ARHGAP22: variants seen among roughly 807,000 people sequenced by gnomAD.
ARHGAP22 encodes the protein rho GTPase-activating protein 22.
ARHGAP22 carries 48 observed loss-of-function variants against 59.1 expected under a neutral mutation model. That is an observed-to-expected ratio of 0.81 (90% CI 0.64 to 1.03). The LOEUF (loss-of-function observed/expected upper bound fraction) is 1.03, where lower values mean the gene tolerates loss of function less well. Ranked by LOEUF, ARHGAP22 falls within the 50% of genes least tolerant of loss-of-function variation. ARHGAP22 has a pLI of 0.00. For synonymous variants in ARHGAP22, 445 were observed against 416.4 expected (o/e 1.07, Z -0.84); for missense variants, 1,015 against 958.7 (o/e 1.06, Z -0.78).
At chr10:48,534,640 C>T (rs2055180236) in intron 3 of ARHGAP22, among the ~76,000 whole-genome samples, 1 of 152,228 alleles carries the variant, frequency 6.6e-6, no homozygotes, top group East Asian at 1.9e-4. Context: ...GAGCATTCTG[C>T]ATAAATTAAC....
intron 2 of ARHGAP22, among the ~76,000 whole-genome samples, chr10:48,577,282 C>T (rs557942167): frequency 6.6e-6 from 1 of 152,292 alleles, no homozygotes; most frequent in South Asian, 2.1e-4. Context: ...TTTTCTTCCC[C>T]CTGCACAGTA....
At chr10:48,608,114 G>A (rs1461748488), upstream of ARHGAP22, among the ~76,000 whole-genome samples, 1 of 152,216 alleles carries the variant, frequency 6.6e-6, no homozygotes, top group Non-Finnish European at 1.5e-5. Context: ...ATTCAGCCAG[G>A]GTTGAGAACC....
intron 7 of ARHGAP22, among the ~76,000 whole-genome samples, 161 bp downstream of exon 7, chr10:48,453,927 T>C (rs4838593): frequency 0.55 from 83,160 of 151,982 alleles, 24,049 homozygotes; most frequent in Middle Eastern, 0.79. Context: ...GGGTCTGTGC[T>C]TTTCCACTCC....
intron 3 of ARHGAP22, among the ~76,000 whole-genome samples, chr10:48,529,180 T>C (rs1009217681): frequency 1.3e-5 from 2 of 152,050 alleles, no homozygotes; most frequent in African/African-American, 4.8e-5. Flanking sequence ...AGATAGGGAC[T>C]GGAAGGGGGA....
At chr10:48,503,588 G>A (rs1293813591) in intron 3 of ARHGAP22, among the ~76,000 whole-genome samples, 2 of 152,204 alleles carry the variant, frequency 1.3e-5, no homozygotes, top group African/African-American at 4.8e-5. Context: ...AGCAACTCTG[G>A]GAAGTACAGG....
At chr10:48,583,418 C>A (rs2059237622) in intron 1 of ARHGAP22, among the ~76,000 whole-genome samples, 1 of 152,246 alleles carries the variant, frequency 6.6e-6, no homozygotes, top group South Asian at 2.1e-4. Flanking sequence ...CTAGGTTCTT[C>A]ATTCCTCCAC....
chr10:48,537,884 G>A (rs2055529087), intron 3 of ARHGAP22, among the ~76,000 whole-genome samples: 1 of 152,222 alleles, frequency 6.6e-6, no homozygotes, highest in Non-Finnish European at 1.5e-5. Context: ...GCCAGGAGTG[G>A]ACAGCAGGAA....
chr10:48,645,043 A>C (rs2062232998), intron 1 of ARHGAP22, among the ~76,000 whole-genome samples: 1 of 152,208 alleles, frequency 6.6e-6, no homozygotes, highest in South Asian at 2.1e-4. Context: ...ACTGACAAAG[A>C]ATAAAAAATC....
At chr10:48,587,291 G>A (rs1212281938) in intron 1 of ARHGAP22, among the ~76,000 whole-genome samples, 8 of 152,246 alleles carry the variant, frequency 5.3e-5, no homozygotes, top group Admixed American at 1.3e-4. Flanking sequence ...GGCCCTGGGA[G>A]GTGGAGCTGA....
At chr10:48,541,530 T>G (rs1479407006) in intron 3 of ARHGAP22, among the ~76,000 whole-genome samples, 1 of 152,170 alleles carries the variant, frequency 6.6e-6, no homozygotes, top group Non-Finnish European at 1.5e-5. Context: ...AGAGTCAGCC[T>G]GGAGTCTAGA....
chr10:48,437,167 A>G, the ARHGAP22 span: 2 of 152,246 alleles, frequency 1.3e-5, no homozygotes, highest in African/African-American at 4.8e-5. Flanking sequence ...AAAGAAAACA[A>G]ACTCTCATTA....
At position 48,459,849 on chromosome 10, in the gene ARHGAP22, C is replaced by G. The variant is rs138486403; in HGVS notation, c.494G>C (p.Arg165Pro). The G allele has an allele frequency of 6.2e-7, 1 of 1,613,282 alleles. No individual in the cohort carries two copies. Residue 165 changes from arginine (R) to proline (P), a missense_variant, in exon 5 of 10, where the codon CGG becomes CCG. Transcript: ENST00000249601. The part of the protein sequence containing the change: ...QRLEETVHHE[R>P]KYGPRLAPLL... ...GGGCGCCAGGCGGGGGCCATACTTCCGCTCGTGGTGGACTGTTTCCTCTAG... is the reference window on the plus strand; with the variant it reads ...GGGCGCCAGGCGGGGGCCATACTTCGGCTCGTGGTGGACTGTTTCCTCTAG...
At chr10:48,643,157 C>A (rs148722162) in intron 1 of ARHGAP22, among the ~76,000 whole-genome samples, 1 of 152,210 alleles carries the variant, frequency 6.6e-6, no homozygotes, top group African/African-American at 2.4e-5. Flanking sequence ...TAAACTAGTT[C>A]GACCATTGTG....
chr10:48,590,870 G>T (rs2059710899), intron 1 of ARHGAP22, among the ~76,000 whole-genome samples: 1 of 152,092 alleles, frequency 6.6e-6, no homozygotes, highest in Non-Finnish European at 1.5e-5. Context: ...GGGGTGGGTG[G>T]GCAGTGGAAG....
At chr10:48,605,997 G>C (rs536313241), upstream of ARHGAP22, among the ~76,000 whole-genome samples, 7 of 152,266 alleles carry the variant, frequency 4.6e-5, no homozygotes, top group Non-Finnish European at 8.8e-5. Context: ...TTGAGCCCCC[G>C]ATGAACTTGC....
At chr10:48,433,299 C>T in the ARHGAP22 span, among the ~76,000 whole-genome samples, 2 of 151,896 alleles carry the variant, frequency 1.3e-5, no homozygotes. Context: ...AATAATAGAC[C>T]CTGAACTAGA....
At chr10:48,620,439 C>T (rs914303347) in intron 1 of ARHGAP22, among the ~76,000 whole-genome samples, 3 of 152,166 alleles carry the variant, frequency 2.0e-5, no homozygotes, top group African/African-American at 7.2e-5. Context: ...AGCCAGGAGT[C>T]ACACTCATAT....
At chr10:48,434,745 G>A in the ARHGAP22 span, 6 of 574,972 alleles carry the variant, frequency 1.0e-5, no homozygotes, top group Non-Finnish European at 1.7e-5. Context: ...TAGTGTGTTG[G>A]ATATCATTTG....
At position 48,479,779 on chromosome 10, in the gene ARHGAP22, GAC is replaced by G. The variant is rs753190050; in HGVS notation, c.323-17_323-16del. ...CCCGGCACCACCTGCAAGACAGGGA[GAC>G]ACAGGCTTACGCAGGGTCCCTGCCC... On this transcript the variant is annotated splice_polypyrimidine_tract_variant and intron_variant, in intron 3 of 9. Coordinates refer to ENST00000249601, the MANE Select transcript of ARHGAP22 (RefSeq NM_021226.4). 2 of 1,568,342 alleles carry G rather than the reference GAC, an allele frequency of 1.3e-6. No individual in the cohort carries two copies. Among genetic ancestry groups the G allele is most frequent in the Admixed American group, 1.8e-5 (1 of 57,118 alleles).
Sources: allele counts gnomAD v4.1 joint callset (sites outside exome capture counted in the v4.1 genomes callset), GRCh38; gene constraint gnomAD v4.1.1; transcripts MANE v1.5; gene names NCBI Gene and HGNC (gene_info 2026-07-23, HGNC 2026-07-21).